The following CENPE variants were observed in gnomAD, a reference collection of about 807,000 sequenced individuals.
CENPE encodes centromere protein E, also known as centromere-associated protein E.
A neutral mutation model predicts 336.1 loss-of-function variants in CENPE; 145 were observed. That is an observed-to-expected ratio of 0.43 (90% CI 0.38 to 0.50). The LOEUF (loss-of-function observed/expected upper bound fraction) is 0.50. Ranked by LOEUF, CENPE falls within the 20% of genes least tolerant of loss-of-function variation. The pLI, the probability that CENPE is intolerant of heterozygous loss-of-function variation, is 0.00. For synonymous variants in CENPE, 1,013 were observed against 984.8 expected (o/e 1.03, Z -0.54); for missense variants, 2,719 against 3,023.3 (o/e 0.90, Z 2.36).
chr4:103,107,307 T>C (rs1395273134), intron 48 of CENPE, among the ~76,000 whole-genome samples: 1 of 152,332 alleles, frequency 6.6e-6, no homozygotes, highest in Middle Eastern at 3.4e-3. Context: ...TTTCTGTGCC[T>C]ACCTATCTCC....
chr4:103,150,291 A>T, intron 26 of CENPE, among the ~76,000 whole-genome samples: 1 of 152,162 alleles, frequency 6.6e-6, no homozygotes. Context: ...ACATATTAAG[A>T]AAAAAACAGG....
chr4:103,195,277 T>G (rs766311623), intron 4 of CENPE, 44 bp from the exon 5 acceptor site: 4 of 1,533,544 alleles, frequency 2.6e-6, no homozygotes, highest in Non-Finnish European at 2.6e-6. Context: ...AAGCATCCAA[T>G]TGTGAAAACC....
At chr4:103,124,390 A>C (rs1395040396) in intron 42 of CENPE, among the ~76,000 whole-genome samples, 1 of 152,228 alleles carries the variant, frequency 6.6e-6, no homozygotes, top group East Asian at 1.9e-4. Flanking sequence ...TTGATCTGCA[A>C]GATGATAATC....
intron 46 of CENPE, among the ~76,000 whole-genome samples, chr4:103,112,310 T>C (rs1020416789): frequency 1.4e-5 from 2 of 144,782 alleles, no homozygotes; most frequent in African/African-American, 2.5e-5. Flanking sequence ...GCTTGTACTA[T>C]ATACTTATAA....
intron 9 of CENPE, among the ~76,000 whole-genome samples, chr4:103,185,471 T>C (rs911074728): frequency 6.6e-6 from 1 of 152,074 alleles, no homozygotes; most frequent in African/African-American, 2.4e-5. Context: ...AATTAATATC[T>C]GCATATTAAT....
intron 8 of CENPE, among the ~76,000 whole-genome samples, chr4:103,187,380 G>A (rs1435381934): frequency 6.6e-6 from 1 of 152,180 alleles, no homozygotes; most frequent in Non-Finnish European, 1.5e-5. Flanking sequence ...AGGAAAAAAT[G>A]TTAAGGGCAG....
Position 103,108,244 on chromosome 4 carries a change from CTT to C in CENPE, c.8011+557_8011+558del, listed in dbSNP as rs769449653. Among the ~76,000 whole-genome samples the C allele has an allele frequency of 8.7e-3, 1,249 of 143,272 alleles. 13 individuals are homozygous for C. The highest frequency in any genetic ancestry group is 0.03 in the African/African-American group (1,172 of 39,470). The allele number at this position is 143,272 out of a possible 152,430, so 94.0% of individuals were successfully genotyped here. ...TTGTACTTGCACTGCTATAATTTCA[CTT>C]TTTTTTTTTTTTAATCACTTGATTA... On this transcript the variant is annotated intron_variant, in intron 48 of 48. Transcript: ENST00000265148.
At position 103,163,443 on chromosome 4, in the gene CENPE, T is replaced by C. The variant is rs776415568; in HGVS notation, c.1722+36A>G. The C allele has an allele frequency of 8.4e-6, 12 of 1,431,476 alleles. No homozygotes were observed. The South Asian group carries it at 1.1e-4, about 13-fold the overall frequency. The allele number at this position is 1,431,476 out of a possible 1,614,324, so 88.7% of individuals were successfully genotyped here. A position where few individuals can be genotyped will look rare whatever the true frequency, so the allele number is the denominator to read the frequency against. On this transcript the variant is annotated intron_variant, in intron 17 of 48. Transcript: ENST00000265148. ...TATGTTGCATGTTTTATAGTTCTAA[T>C]TGCTTATCAATAGAAATACCAACAT...
chr4:103,122,714 T>C (rs1014930050), intron 43 of CENPE, among the ~76,000 whole-genome samples, 157 bp downstream of exon 43: 3 of 152,232 alleles, frequency 2.0e-5, no homozygotes, highest in African/African-American at 7.2e-5. Flanking sequence ...ATTAGTTTAG[T>C]TGAACGATAG....
intron 9 of CENPE, among the ~76,000 whole-genome samples, chr4:103,185,017 T>C: frequency 6.6e-6 from 1 of 152,108 alleles, no homozygotes; most frequent in Non-Finnish European, 1.5e-5. Context: ...TTTACAAGTT[T>C]TCTTAGGCCG....
intron 9 of CENPE, 139 bp downstream of exon 9, chr4:103,185,671 G>GA: frequency 2.0e-6 from 1 of 502,008 alleles, no homozygotes; most frequent in Non-Finnish European, 3.5e-6. Context: ...ACTTTTATCA[G>GA]AAAATCACAA....
chr4:103,193,128 C>T (rs1757493489), intron 8 of CENPE, among the ~76,000 whole-genome samples: 1 of 151,854 alleles, frequency 6.6e-6, no homozygotes, highest in Non-Finnish European at 1.5e-5. Flanking sequence ...AGGGTTGGAA[C>T]AGATGGAACA....
intron 24 of CENPE, among the ~76,000 whole-genome samples, chr4:103,158,046 A>C (rs975419003): frequency 5.3e-5 from 8 of 151,904 alleles, no homozygotes; most frequent in Non-Finnish European, 1.2e-4. Context: ...AGTATAGTAA[A>C]TTTGACATAA....
In CENPE at chr4:103,161,450, A is replaced by G. The variant is rs753764315; in HGVS notation, c.1850T>C (p.Ile617Thr). The G allele has an allele frequency of 2.5e-6, 4 of 1,608,852 alleles. No homozygotes were observed. Among genetic ancestry groups the G allele is most frequent in the East Asian group, 2.2e-5 (1 of 44,706 alleles). The change falls in exon 19 of 49, where the codon ATT becomes ACT. Residue 617 changes from isoleucine (I) to threonine (T), a missense_variant. Physicochemically the swap from Ile to Thr is moderately conservative, Grantham distance 89. Around this residue, in one of 5 missense-constraint regions of CENPE, gnomAD observed 2,437 missense variants for 2,513.3 expected, o/e 0.97. Transcript: ENST00000265148. ...KMDLSYSLES[I>T]EDPKQMKQTL... is the part of the protein sequence containing the mutation. ...CTGCTTCATTTGTTTTGGGTCTTCA[A>G]TGCTTTCCTAGACAGATGACAAAAG... is the stretch of plus-strand genomic sequence containing the variant.
chr4:103,140,788 T>C, intron 36 of CENPE, 26 bp downstream of exon 36: 1 of 1,535,758 alleles, frequency 6.5e-7, no homozygotes, highest in South Asian at 1.3e-5. Flanking sequence ...AATATAATGG[T>C]AGGGTAAAGA....
chr4:103,183,412 C>A, intron 9 of CENPE, 124 bp from the exon 10 acceptor site: 1 of 650,660 alleles, frequency 1.5e-6, no homozygotes, highest in African/African-American at 1.9e-5. Flanking sequence ...CTGGTTTAGA[C>A]ATGAGCCCAT....
rs565317793 is a variant in CENPE at position 103,158,225 on chromosome 4, T to C, written c.3033+75A>G. 5.3e-4 allele frequency: 564 copies of C among 1,064,762 alleles called. 5 individuals are homozygous for C. In the South Asian group the frequency reaches 9.4e-3, roughly 18 times the overall value. The allele number at this position is 1,064,762 out of a possible 1,614,324, so 66.0% of individuals were successfully genotyped here. A position where few individuals can be genotyped will look rare whatever the true frequency, so the allele number is the denominator to read the frequency against. Reference sequence around the variant, plus strand: ...TGAGTAACAAATGAAATTGAGAATATTATGCATTTAAGTATTTGAGGTTAA... The same window carrying C: ...TGAGTAACAAATGAAATTGAGAATACTATGCATTTAAGTATTTGAGGTTAA... On this transcript the variant is annotated intron_variant, in intron 24 of 48. Coordinates refer to ENST00000265148, the MANE Select transcript of CENPE (RefSeq NM_001813.3).
At chr4:103,129,058 A>G (rs565056826) in intron 42 of CENPE, among the ~76,000 whole-genome samples, 2 of 152,328 alleles carry the variant, frequency 1.3e-5, no homozygotes, top group South Asian at 2.1e-4. Context: ...ACATTAAAAA[A>G]TATTAGGAAC....
intron 1 of CENPE, among the ~76,000 whole-genome samples, chr4:103,197,234 A>AGAT (rs1757809901): frequency 6.6e-6 from 1 of 152,198 alleles, no homozygotes; most frequent in African/African-American, 2.4e-5. Context: ...ATTCCTAGAT[A>AGAT]CATCCTAAGC....
Sources: gnomAD v4.1 joint callset for allele counts (sites outside exome capture counted in the v4.1 genomes callset) on GRCh38, gnomAD v4.1.1 for gene constraint, gnomAD v4.1.1 regional missense constraint, MANE v1.5 for transcripts, NCBI Gene and HGNC (gene_info 2026-07-23, HGNC 2026-07-21) for gene names.